Variants in PUDP observed in about 807,000 individuals in gnomAD.
PUDP encodes pseudouridine 5'-phosphatase.
PUDP carries 8 observed loss-of-function variants against 9.4 expected under a neutral mutation model. That is an observed-to-expected ratio of 0.85 (90% CI 0.50 to 1.53). PUDP has a LOEUF of 1.53. Ranked by LOEUF, PUDP falls within the 40% of genes most tolerant of loss-of-function variation. The pLI is 0.00. For synonymous variants in PUDP, 99 were observed against 80.7 expected (o/e 1.23, Z -1.22); for missense variants, 188 against 189.7 (o/e 0.99, Z 0.05).
At chrX:6,893,204 A>G (rs764109120) in intron 3 of PUDP, among the ~76,000 whole-genome samples, 2 of 112,067 alleles carry the variant, frequency 1.8e-5, no homozygotes, top group South Asian at 7.5e-4. Flanking sequence ...AGGAGACACA[A>G]AATGTGATCC....
intron 1 of PUDP, among the ~76,000 whole-genome samples, chrX:7,122,248 C>A (rs1316105513): frequency 9.3e-6 from 1 of 107,153 alleles, no homozygotes; most frequent in Non-Finnish European, 1.9e-5. Context: ...TGTGTGTTTA[C>A]ATTCATTTGC....
chrX:6,736,053 A>T (rs1015442770), intron 3 of PUDP, among the ~76,000 whole-genome samples: 1 of 109,303 alleles, frequency 9.1e-6, no homozygotes, highest in South Asian at 3.9e-4. Context: ...AAAAGAAGCA[A>T]GAAAAGGAAA....
chrX:6,752,585 T>C (rs1192534607), intron 3 of PUDP, among the ~76,000 whole-genome samples: 1 of 111,817 alleles, frequency 8.9e-6, no homozygotes, highest in Non-Finnish European at 1.9e-5. Flanking sequence ...AAGGTGGCAC[T>C]AAGGCTGTGG....
chrX:6,905,597 T>C (rs1927755204), intron 3 of PUDP, among the ~76,000 whole-genome samples: 1 of 110,747 alleles, frequency 9.0e-6, no homozygotes, highest in African/African-American at 3.3e-5. Context: ...GGGGAAATCC[T>C]CCCCCATGAT....
At chrX:7,099,462 C>A (rs1259743667) in intron 2 of PUDP, among the ~76,000 whole-genome samples, 3 of 112,406 alleles carry the variant, frequency 2.7e-5, no homozygotes, top group Non-Finnish European at 3.8e-5. Flanking sequence ...CTTGGCTGAC[C>A]GACAGTTTAC....
intron 3 of PUDP, among the ~76,000 whole-genome samples, chrX:6,757,763 CTT>C (rs1217745741): frequency 3.6e-5 from 4 of 112,331 alleles, no homozygotes; most frequent in African/African-American, 1.3e-4. Flanking sequence ...ACATATGTCT[CTT>C]AATGCCGAAA....
chrX:7,042,058 G>A (rs1246265880), intron 1 of PUDP, among the ~76,000 whole-genome samples: 1 of 108,006 alleles, frequency 9.3e-6, no homozygotes, highest in Admixed American at 1.0e-4. Flanking sequence ...CCATGTTCAT[G>A]TAATTGTCTT....
chrX:7,128,823 ATGATTT>A (rs1932547663), intron 1 of PUDP, among the ~76,000 whole-genome samples: 1 of 111,722 alleles, frequency 9.0e-6, no homozygotes, highest in Non-Finnish European at 1.9e-5. Context: ...ATACTAATGA[ATGATTT>A]TGCGGATAAA....
chrX:7,065,150 C>T (rs5978852), intron 3 of PUDP, among the ~76,000 whole-genome samples: 36,931 of 110,329 alleles, frequency 0.33, 4,729 homozygotes, highest in Middle Eastern at 0.48. Flanking sequence ...CCCCCCTGCC[C>T]CCAAACCAAA....
intron 1 of PUDP, among the ~76,000 whole-genome samples, chrX:7,106,831 A>C (rs1283640646): frequency 9.0e-6 from 1 of 111,661 alleles, no homozygotes; most frequent in African/African-American, 3.3e-5. Flanking sequence ...CTGACCTGCT[A>C]GGAGGCATTA....
intron 3 of PUDP, among the ~76,000 whole-genome samples, chrX:6,904,620 C>T (rs995126181): frequency 8.9e-6 from 1 of 111,744 alleles, no homozygotes; most frequent in Non-Finnish European, 1.9e-5. Flanking sequence ...TTTGTACTCT[C>T]AGCCATTCTG....
chrX:6,915,026 T>C (rs765516956), intron 3 of PUDP, among the ~76,000 whole-genome samples: 1 of 112,342 alleles, frequency 8.9e-6, no homozygotes, highest in Non-Finnish European at 1.9e-5. Context: ...GCTCCCAGTA[T>C]CACATTTTTA....
At position 7,078,607 on chromosome X, in the gene PUDP, A is replaced by G. The variant is rs190830723; in HGVS notation, c.281-1158T>C. 1.6e-4 allele frequency among the ~76,000 whole-genome samples: 18 copies of G among 112,529 alleles called. No individual in the cohort carries two copies. In the Admixed American group the frequency reaches 1.6e-3, roughly 10 times the overall value. ...CACGCCTGGCCTAAAATTATTTTAA[A>G]TAATTGTATAATCATGCCTATTTTA... On this transcript the variant is annotated intron_variant, in intron 2 of 3. Transcript: ENST00000381077.
At chrX:6,821,620 ATAGT>A (rs1390256807) in intron 3 of PUDP, among the ~76,000 whole-genome samples, 3 of 112,001 alleles carry the variant, frequency 2.7e-5, no homozygotes, top group African/African-American at 6.5e-5. Context: ...ATTTAGGCAG[ATAGT>A]TAGGGTAAAA....
intron 3 of PUDP, among the ~76,000 whole-genome samples, chrX:6,902,127 C>T (rs978308974): frequency 3.6e-5 from 4 of 111,779 alleles, no homozygotes; most frequent in African/African-American, 1.3e-4. Context: ...CTCAAGCAGT[C>T]CTCCTGCTTC....
Position 6,869,349 on chromosome X carries a change from T to C in PUDP, c.*247+107784A>G, listed in dbSNP as rs190302477. 3.9e-3 allele frequency among the ~76,000 whole-genome samples: 438 copies of C among 112,103 alleles called. 6 individuals carry two copies. The highest frequency in any genetic ancestry group is 0.038 in the Admixed American group (399 of 10,492). ...ACGGCCTCAATGAGGAAGACTCCAA[T>C]GAATGGGAGTGACCTGAAAAACTGG... On this transcript the variant is annotated intron_variant and NMD_transcript_variant, in intron 3 of 3. Coordinates refer to the PUDP transcript ENST00000655425.
At chrX:6,865,416 A>G (rs1307248029) in intron 3 of PUDP, among the ~76,000 whole-genome samples, 1 of 112,285 alleles carries the variant, frequency 8.9e-6, no homozygotes, top group Admixed American at 9.5e-5. Context: ...CAGAGCACAG[A>G]AAGATTTTTC....
rs1385004394 is a variant in PUDP at position 6,750,877 on chromosome X, C to G, written c.*248-44411G>C. ...AATTGCGGCCGGGCTTGGTGGCTCA[C>G]ACCTCCAATCCCAGCACTTTGGGAG... is the stretch of plus-strand genomic sequence containing the variant. On this transcript the variant is annotated intron_variant and NMD_transcript_variant, in intron 3 of 3. Transcript: ENST00000655425. Among the ~76,000 whole-genome samples the G allele has an allele frequency of 2.7e-5, 3 of 111,566 alleles. No individual in the cohort carries two copies. In the Admixed American group the frequency reaches 2.9e-4, roughly 11 times the overall value.
intron 3 of PUDP, among the ~76,000 whole-genome samples, chrX:6,896,525 C>T (rs1927595037): frequency 1.8e-5 from 2 of 111,915 alleles, no homozygotes; most frequent in African/African-American, 6.5e-5. Context: ...GGTGGATGTC[C>T]TAGCTCTATT....
Sources: allele counts gnomAD v4.1 joint callset (sites outside exome capture counted in the v4.1 genomes callset), GRCh38; gene constraint gnomAD v4.1.1; transcripts MANE v1.5; gene names NCBI Gene and HGNC (gene_info 2026-07-23, HGNC 2026-07-21).